The following TDRD9 variants were observed in gnomAD, a reference collection of about 807,000 sequenced individuals.
The protein encoded by TDRD9 is tudor domain containing 9.
A neutral mutation model predicts 172.6 loss-of-function variants in TDRD9; 124 were observed. That is an observed-to-expected ratio of 0.72 (90% CI 0.62 to 0.83). The LOEUF (loss-of-function observed/expected upper bound fraction) is 0.83, where lower values mean the gene tolerates loss of function less well. Among genes scored for constraint, TDRD9 ranks in the 40% least tolerant of loss-of-function variants. TDRD9 has a pLI of 0.00. For missense variants in TDRD9, 1,479 were observed against 1,714.1 expected, an observed-to-expected ratio of 0.86 and a Z score of 2.42; for synonymous variants, 619 against 617.1, an observed-to-expected ratio of 1.00 and a Z score of -0.05.
chr14:103,928,665 C>G lies in TDRD9; in HGVS notation c.156C>G (p.Pro52=). The change falls in exon 1 of 36, where the codon CCC becomes CCG. Residue 52 remains proline, a synonymous_variant. Transcript: ENST00000409874. ...QRQDVAPGAG[P]AAQAPALAQA... is the part of the protein sequence containing the mutation. ...AGGACGTGGCCCCCGGCGCTGGTCC[C>G]GCGGCCCAGGCTCCGGCTCTGGCCC... The G allele has an allele frequency of 1.6e-6, 2 of 1,239,290 alleles. No homozygotes were observed. 76.8% of individuals were successfully genotyped at this position (1,239,290 alleles called of 1,614,324 possible). A position where few individuals can be genotyped will look rare whatever the true frequency, so the allele number is the denominator to read the frequency against.
In TDRD9 at chr14:103,952,713, T is replaced by C. The variant is rs79821326; in HGVS notation, c.216-2951T>C. The stretch of plus-strand genomic sequence containing the variant: ...GCGTTTCATTCTTATCTTAGTGATT[T>C]ATAGGAATTCTCTCTCTTTTTTTTT... On this transcript the variant is annotated intron_variant, in intron 1 of 35. Coordinates refer to ENST00000409874, the MANE Select transcript of TDRD9 (RefSeq NM_153046.3). Among the ~76,000 whole-genome samples, 15 of 149,194 alleles carry C rather than the reference T, an allele frequency of 1.0e-4. No homozygotes were observed. In the East Asian group the frequency reaches 2.8e-3, roughly 27 times the overall value.
At chr14:103,987,123 TACACACACACACACACACAC>T (rs143714763) in intron 8 of TDRD9, among the ~76,000 whole-genome samples, 9 of 145,686 alleles carry the variant, frequency 6.2e-5, no homozygotes, top group Non-Finnish European at 1.4e-4. Context: ...AAAAAATATA[TACACACACACACACACACAC>T]ACACACACAC....
chr14:103,990,865 A>G (rs1043739655), intron 8 of TDRD9, among the ~76,000 whole-genome samples: 1 of 152,190 alleles, frequency 6.6e-6, no homozygotes, highest in Non-Finnish European at 1.5e-5. Flanking sequence ...AATGTTTTTT[A>G]CTTTGAAGTT....
intron 19 of TDRD9, 64 bp from the exon 20 acceptor site, chr14:104,008,349 G>T: frequency 1.0e-6 from 1 of 967,760 alleles, no homozygotes; most frequent in Non-Finnish European, 1.6e-6. Flanking sequence ...ATGTATTAAA[G>T]TAGCTAAATT....
Position 104,025,705 on chromosome 14 carries a change from C to T in TDRD9, c.2860C>T (p.Pro954Ser). The T allele has an allele frequency of 6.2e-7, 1 of 1,614,008 alleles. No homozygotes were observed. Among genetic ancestry groups the T allele is most frequent in the Non-Finnish European group, 8.5e-7 (1 of 1,179,902 alleles). The stretch of plus-strand genomic sequence containing the variant: ...ACATCCAGACTTGGTCTGTCTGGCA[C>T]CTTTTGCTGATTTTGATAAACAACG... ...HPHPDLVCLAPFADFDKQRYF... is the reference protein window; with the variant it reads ...HPHPDLVCLASFADFDKQRYF... The change falls in exon 26 of 36, where the codon CCT becomes TCT. Residue 954 changes from proline to serine, a missense_variant. By Grantham distance (74) the Pro-to-Ser change is moderately conservative. Coordinates refer to ENST00000409874, the MANE Select transcript of TDRD9 (RefSeq NM_153046.3).
intron 2 of TDRD9, 44 bp from the exon 3 acceptor site, chr14:103,963,035 A>G (rs1490421508): frequency 8.6e-7 from 1 of 1,159,912 alleles, no homozygotes. Flanking sequence ...ATCTTTTTCC[A>G]GATAAGAAAT....
At chr14:104,029,758 T>C (rs1178269231) in intron 28 of TDRD9, among the ~76,000 whole-genome samples, 1 of 152,220 alleles carries the variant, frequency 6.6e-6, no homozygotes, top group Non-Finnish European at 1.5e-5. Flanking sequence ...TTCTTGTTCT[T>C]AGAGGAAAAG....
At chr14:103,963,304 G>A (rs2032596287) in intron 3 of TDRD9, 128 bp downstream of exon 3, 1 of 611,812 alleles carries the variant, frequency 1.6e-6, no homozygotes, top group East Asian at 3.1e-5. Flanking sequence ...AGGTTCTGTG[G>A]TGGATAAGAG....
rs554804054 is a variant in TDRD9, at chr14:104,004,203, A to G, written c.1484-35A>G. On this transcript the variant is annotated intron_variant, in intron 13 of 35. Transcript: ENST00000409874. ...CTTCATGCTGATGTTAAAGTAATTA[A>G]TGCCAAACACTGTTTGCACATCTCT... 1.1e-5 allele frequency: 12 copies of G among 1,092,434 alleles called. No individual in the cohort carries two copies. In the South Asian group the frequency reaches 1.7e-4, roughly 16 times the overall value. The allele number at this position is 1,092,434 out of a possible 1,614,324, so 67.7% of individuals were successfully genotyped here.
intron 2 of TDRD9, among the ~76,000 whole-genome samples, chr14:103,960,087 T>G (rs117325121): frequency 0.023 from 3,524 of 152,378 alleles, 77 homozygotes; most frequent in East Asian, 0.071. Context: ...AAGTTAATTT[T>G]GTATTCAGAA....
At chr14:103,970,390 C>A in intron 5 of TDRD9, 151 bp from the exon 6 acceptor site, 1 of 617,770 alleles carries the variant, frequency 1.6e-6, no homozygotes, top group South Asian at 2.1e-5. Flanking sequence ...TTTGCTTCCT[C>A]TTAACCAGGA....
At chr14:103,963,905 G>A (rs1202504366) in intron 3 of TDRD9, among the ~76,000 whole-genome samples, 1 of 152,138 alleles carries the variant, frequency 6.6e-6, no homozygotes, top group Non-Finnish European at 1.5e-5. Flanking sequence ...GTTTAGAGTG[G>A]AGGTCGGGGA....
chr14:103,991,314 T>A (rs1185475045), intron 9 of TDRD9, 90 bp downstream of exon 9: 23 of 1,338,920 alleles, frequency 1.7e-5, no homozygotes, highest in Non-Finnish European at 2.3e-5. Flanking sequence ...AAGATGGTAT[T>A]CTCCATAGGA....
intron 23 of TDRD9, among the ~76,000 whole-genome samples, chr14:104,019,798 A>G (rs2034899305): frequency 1.3e-5 from 2 of 152,316 alleles, no homozygotes; most frequent in South Asian, 4.1e-4. Context: ...GAGTCAAATT[A>G]GTTTCACAGA....
At chr14:104,043,296 C>G (rs370185500) in intron 34 of TDRD9, among the ~76,000 whole-genome samples, 1 of 151,014 alleles carries the variant, frequency 6.6e-6, no homozygotes, top group East Asian at 1.9e-4. Context: ...GGCTGGAGTG[C>G]GATGGCACGA....
At position 104,004,240 on chromosome 14, in the gene TDRD9, C is replaced by A; in HGVS notation, c.1486C>A (p.Arg496Ser). 1 of 1,561,562 alleles carries A rather than the reference C, an allele frequency of 6.4e-7. No individual in the cohort carries two copies. The highest frequency in any genetic ancestry group is 8.8e-7 in the Non-Finnish European group (1 of 1,139,784). ...SKTSCNQRKGRAGRVSRGYCY... is the reference protein window; with the variant it reads ...SKTSCNQRKGSAGRVSRGYCY... ...GTTTGCACATCTCTCCTTTGAAGGC[C>A]GTGCTGGACGAGTGTCTAGAGGGTA... Residue 496 changes from arginine to serine, a missense_variant and splice_region_variant, in exon 14 of 36, where the codon CGT becomes AGT. Arg to Ser is a moderately radical substitution (Grantham distance 110, BLOSUM62 -1). This residue lies in a region of TDRD9 where 1,413 missense variants were observed against 1,649.1 expected (regional missense o/e 0.86). Transcript: ENST00000409874.
intron 9 of TDRD9, among the ~76,000 whole-genome samples, chr14:103,993,940 G>A (rs2033965103): frequency 6.6e-6 from 1 of 152,192 alleles, no homozygotes; most frequent in African/African-American, 2.4e-5. Context: ...GAGGCCTGAT[G>A]GAAATGGTTT....
chr14:104,005,012 G>T, intron 14 of TDRD9: 3 of 283,362 alleles, frequency 1.1e-5, no homozygotes, highest in Non-Finnish European at 1.3e-5. Flanking sequence ...CTGCTTTCTT[G>T]CTCTCCCACT....
intron 28 of TDRD9, among the ~76,000 whole-genome samples, chr14:104,027,168 TG>T (rs1421449582): frequency 3.3e-5 from 5 of 152,194 alleles, no homozygotes; most frequent in East Asian, 1.9e-4. Flanking sequence ...GTATTGTATT[TG>T]TTTGTCTCCT....
Sources: allele counts gnomAD v4.1 joint callset (sites outside exome capture counted in the v4.1 genomes callset), GRCh38; gene constraint gnomAD v4.1.1; regional missense constraint gnomAD v4.1.1; transcripts MANE v1.5; gene names NCBI Gene and HGNC (gene_info 2026-07-23, HGNC 2026-07-21).